CPLANE1: variants seen among roughly 807,000 people sequenced by gnomAD.
CPLANE1 encodes ciliogenesis and planar polarity effector complex subunit 1.
CPLANE1 carries 263 observed loss-of-function variants against 362.5 expected under a neutral mutation model. That is an observed-to-expected ratio of 0.73 (90% CI 0.66 to 0.80). The LOEUF is 0.80. Among genes scored for constraint, CPLANE1 ranks in the 30% least tolerant of loss-of-function variants. CPLANE1 has a pLI of 0.00. For synonymous variants in CPLANE1, 1,212 were observed against 1,302.6 expected (o/e 0.93, Z 1.50); for missense variants, 3,461 against 3,793.4 (o/e 0.91, Z 2.30).
chr5:37,125,149 G>A, intron 47 of CPLANE1, 95 bp downstream of exon 47: 1 of 1,427,330 alleles, frequency 7.0e-7, no homozygotes, highest in Non-Finnish European at 9.4e-7. Flanking sequence ...AATTACAAAT[G>A]TATCCAAATT....
chr5:37,085,040 C>G, the CPLANE1 span: 1 of 659,912 alleles, frequency 1.5e-6, no homozygotes, highest in South Asian at 1.7e-5. Context: ...GTCGTCTTTC[C>G]TTGCCTAATG....
chr5:37,207,094 C>T (rs1790974931), intron 16 of CPLANE1, among the ~76,000 whole-genome samples: 1 of 152,198 alleles, frequency 6.6e-6, no homozygotes, highest in South Asian at 2.1e-4. Flanking sequence ...AGGATAATAT[C>T]GTTCCCCCTG....
intron 14 of CPLANE1, among the ~76,000 whole-genome samples, chr5:37,221,867 C>G (rs181069496): frequency 2.0e-5 from 3 of 152,170 alleles, no homozygotes; most frequent in Admixed American, 1.3e-4. Context: ...CCTAGGATGA[C>G]TTAGATTTTA....
rs1351707332 is a variant in CPLANE1, at chr5:37,209,481, C to A, written c.2921-3056G>T. ...TATACTGGAAACACTCAAGATACAA[C>A]TTCGAAACCAGCTAATTCATGAGTT... On this transcript the variant is annotated intron_variant, in intron 16 of 52. Coordinates refer to ENST00000651892, the MANE Select transcript of CPLANE1 (RefSeq NM_001384732.1). The surrounding 1 kb of genome is among the most constrained non-coding windows in gnomAD (Gnocchi z 4.6). The A allele has an allele frequency of 7.7e-6, 10 of 1,293,854 alleles. No individual in the cohort carries two copies. The highest frequency in any genetic ancestry group is 1.1e-5 in the Non-Finnish European group (10 of 890,002). 80.1% of individuals were successfully genotyped at this position (1,293,854 alleles called of 1,614,324 possible). A position where few individuals can be genotyped will look rare whatever the true frequency, so the allele number is the denominator to read the frequency against.
At position 37,130,482 on chromosome 5, in the gene CPLANE1, C is replaced by A; in HGVS notation, c.8793-5073G>T. 1.8e-5 allele frequency: 4 copies of A among 217,670 alleles called. No homozygotes were observed. In the South Asian group the frequency reaches 3.2e-4, roughly 17 times the overall value. 13.5% of individuals were successfully genotyped at this position (217,670 alleles called of 1,614,324 possible). ...AGTCCAGGAACGTATTTCACATGGT[C>A]AGCCAAAACAACTTTATAAGGCTAA... On this transcript the variant is annotated intron_variant, in intron 46 of 52. Transcript: ENST00000651892.
chr5:37,194,453 GAAAT>G (rs2151335076), intron 21 of CPLANE1, among the ~76,000 whole-genome samples: 1 of 152,200 alleles, frequency 6.6e-6, no homozygotes, highest in Admixed American at 6.5e-5. Context: ...AGATTTTTAA[GAAAT>G]AAATGAGATT....
At chr5:37,191,246 A>G (rs1192685912) in intron 21 of CPLANE1, among the ~76,000 whole-genome samples, 1 of 152,196 alleles carries the variant, frequency 6.6e-6, no homozygotes, top group Non-Finnish European at 1.5e-5. Flanking sequence ...AATAGAAAAA[A>G]GCCTGGCCAA....
At chr5:37,167,263 T>G (rs779217684) in intron 34 of CPLANE1, 50 bp from the exon 35 acceptor site, 7 of 1,424,736 alleles carry the variant, frequency 4.9e-6, no homozygotes, top group Non-Finnish European at 6.8e-6. Flanking sequence ...AACTCAATTA[T>G]GTAATATTTC....
intron 51 of CPLANE1, among the ~76,000 whole-genome samples, chr5:37,108,855 G>T (rs1758314886): frequency 6.6e-6 from 1 of 152,172 alleles, no homozygotes; most frequent in Admixed American, 6.5e-5. Flanking sequence ...AATGTTTTGG[G>T]CATCTTCACC....
At chr5:37,080,938 C>A in the CPLANE1 span, among the ~76,000 whole-genome samples, 1 of 152,188 alleles carries the variant, frequency 6.6e-6, no homozygotes, top group African/African-American at 2.4e-5. Context: ...CTTTGAACTG[C>A]CTACATGAAT....
intron 21 of CPLANE1, among the ~76,000 whole-genome samples, chr5:37,194,179 C>G (rs1786532447): frequency 6.6e-6 from 1 of 152,144 alleles, no homozygotes; most frequent in Admixed American, 6.5e-5. Flanking sequence ...AACTCATCCT[C>G]CCAAAGTGCT....
Position 37,230,893 on chromosome 5 carries a change from A to C in CPLANE1, c.1095T>G (p.Ile365Met). The C allele has an allele frequency of 1.9e-6, 3 of 1,542,904 alleles. No homozygotes were observed. The highest frequency in any genetic ancestry group is 2.6e-6 in the Non-Finnish European group (3 of 1,142,786). ...TATACGTTATTAGTGGATGAAGAGGAATAAATTCTGCTGGGCCAAATTCTA... is the reference window on the plus strand; with the variant it reads ...TATACGTTATTAGTGGATGAAGAGGCATAAATTCTGCTGGGCCAAATTCTA... ...CSIEFGPAEF[I>M]PLHPLITYRP... The change falls in exon 9 of 53, where the codon ATT becomes ATG. Residue 365 changes from isoleucine to methionine, a missense_variant. Around this residue, in one of 2 missense-constraint regions of CPLANE1, gnomAD observed 3,380 missense variants for 3,666.1 expected, o/e 0.92. Transcript: ENST00000651892.
rs777686211 is a variant in CPLANE1, at chr5:37,226,775, TA to T, written c.1819del (p.Tyr607ThrfsTer6). 274 of 1,539,856 alleles carry T rather than the reference TA, an allele frequency of 1.8e-4. No homozygotes were observed. The highest frequency in any genetic ancestry group is 2.1e-4 in the Non-Finnish European group (235 of 1,142,590). The stretch of plus-strand genomic sequence containing the variant: ...AGGACATTTTATAAATTGAAGAATG[TA>T]AAAAAAATGAGTGATACAAACTACT... ...YIVVCITHFF[Y>X]ILQFIKCPFP... On this transcript the variant is annotated frameshift_variant, in exon 12 of 53. Transcript: ENST00000651892.
intron 16 of CPLANE1, chr5:37,210,735 C>T: frequency 6.4e-7 from 1 of 1,571,520 alleles, no homozygotes; most frequent in Non-Finnish European, 8.8e-7. Context: ...TAAACAACAA[C>T]TGGAAGAGAG....
chr5:37,118,230 T>C (rs547539409), intron 50 of CPLANE1, among the ~76,000 whole-genome samples: 1 of 151,862 alleles, frequency 6.6e-6, no homozygotes, highest in South Asian at 2.1e-4. Context: ...CCCCCATCTC[T>C]ACAAAAAATG....
At chr5:37,195,785 C>G in intron 21 of CPLANE1, 73 bp downstream of exon 21, 1 of 1,469,886 alleles carries the variant, frequency 6.8e-7, no homozygotes. Flanking sequence ...TTTGAAGAGT[C>G]AATACTTTCC....
chr5:37,081,591 G>C, the CPLANE1 span, among the ~76,000 whole-genome samples: 2 of 151,976 alleles, frequency 1.3e-5, no homozygotes, highest in African/African-American at 4.8e-5. Context: ...CCAAAGCGCT[G>C]GGATTACAGG....
chr5:37,117,515 G>A (rs748316884), intron 50 of CPLANE1, among the ~76,000 whole-genome samples: 8 of 152,110 alleles, frequency 5.3e-5, no homozygotes, highest in African/African-American at 9.6e-5. Flanking sequence ...TTATATCAGC[G>A]TGGATGAACT....
intron 43 of CPLANE1, 94 bp from the exon 44 acceptor site, chr5:37,142,574 C>CA: frequency 3.9e-6 from 3 of 762,960 alleles, no homozygotes; most frequent in Non-Finnish European, 6.1e-6. Flanking sequence ...ACTGGCAACC[C>CA]AGATATTAGA....
Sources: gnomAD v4.1 joint callset for allele counts (sites outside exome capture counted in the v4.1 genomes callset) on GRCh38, gnomAD v4.1.1 for gene constraint, gnomAD v4.1.1 regional missense constraint, Gnocchi (gnomAD v3.1) non-coding constraint, MANE v1.5 for transcripts, NCBI Gene and HGNC (gene_info 2026-07-23, HGNC 2026-07-21) for gene names.